The following RIN2 variants were observed in gnomAD, a reference collection of about 807,000 sequenced individuals.
RIN2 encodes RAB5 interacting protein 2.
A neutral mutation model predicts 78.0 loss-of-function variants in RIN2; 36 were observed. That is an observed-to-expected ratio of 0.46 (90% CI 0.35 to 0.61). The LOEUF is 0.61. RIN2 is among the 20% of genes least tolerant of loss of function. RIN2 has a pLI of 0.00. For synonymous variants in RIN2, 466 were observed against 466.8 expected (o/e 1.00, Z 0.02); for missense variants, 1,087 against 1,159.7 (o/e 0.94, Z 0.91).
chr20:19,975,228 T>G lies in RIN2; in HGVS notation c.1203T>G (p.Pro401=). ...CTGGCAGCCCAGGTGGGGCCCCGCC[T>G]GAGGCCGCCCCGGGGGATTGCACAA... ...GTAGSPGGAP[P]EAAPGDCTRA... Residue 401 remains proline (P), a synonymous_variant, in exon 9 of 13, where the codon CCT becomes CCG. Coordinates refer to ENST00000255006, the MANE Select transcript of RIN2 (RefSeq NM_018993.4). The surrounding 1 kb of genome is among the most constrained non-coding windows in gnomAD (Gnocchi z 4.9). 1.3e-6 allele frequency: 2 copies of G among 1,586,450 alleles called. No homozygotes were observed. Among genetic ancestry groups the G allele is most frequent in the Non-Finnish European group, 1.7e-6 (2 of 1,166,618 alleles).
At chr20:19,937,002 G>A (rs933145060) in intron 4 of RIN2, among the ~76,000 whole-genome samples, 29 of 152,246 alleles carry the variant, frequency 1.9e-4, no homozygotes, top group African/African-American at 7.0e-4. Context: ...ACTAACTTAC[G>A]GAATCTTCCT....
intron 3 of RIN2, among the ~76,000 whole-genome samples, chr20:19,932,842 C>T (rs1483497326): frequency 6.6e-6 from 1 of 152,182 alleles, no homozygotes; most frequent in Non-Finnish European, 1.5e-5. Context: ...TAAATTTAAT[C>T]TGCCCGAAGT....
At chr20:19,895,550 A>G (rs572598646) in intron 3 of RIN2, among the ~76,000 whole-genome samples, 9 of 152,258 alleles carry the variant, frequency 5.9e-5, no homozygotes, top group Admixed American at 2.0e-4. Flanking sequence ...TTTAGCTTAC[A>G]GGGATCCTAC....
intron 6 of RIN2, among the ~76,000 whole-genome samples, chr20:19,964,573 T>A (rs1022161441): frequency 2.0e-5 from 3 of 152,004 alleles, no homozygotes; most frequent in Non-Finnish European, 4.4e-5. Flanking sequence ...GGTCAAGGGA[T>A]CGAGGGGAGT....
intron 1 of RIN2, among the ~76,000 whole-genome samples, chr20:19,779,820 G>T (rs2034437391): frequency 6.6e-6 from 1 of 152,172 alleles, no homozygotes; most frequent in African/African-American, 2.4e-5. Context: ...GATGGATGTG[G>T]TTTTTATTGT....
chr20:19,856,271 TATTTC>T (rs1223652182), intron 2 of RIN2, among the ~76,000 whole-genome samples: 3 of 152,154 alleles, frequency 2.0e-5, no homozygotes, highest in Non-Finnish European at 4.4e-5. Flanking sequence ...TTTTAAGAGT[TATTTC>T]AATAAGATTA....
At chr20:19,971,593 G>A (rs2042109175) in intron 8 of RIN2, among the ~76,000 whole-genome samples, 1 of 152,012 alleles carries the variant, frequency 6.6e-6, no homozygotes, top group African/African-American at 2.4e-5. Flanking sequence ...ACTTGACCCA[G>A]CAAATAAAAG....
chr20:19,947,683 A>G (rs2146194375), intron 4 of RIN2, among the ~76,000 whole-genome samples: 1 of 152,368 alleles, frequency 6.6e-6, no homozygotes, highest in African/African-American at 2.4e-5. Flanking sequence ...ATTCCCGGAA[A>G]CCTTCAGGGA....
chr20:19,784,741 GGA>G (rs2034617854), intron 1 of RIN2, among the ~76,000 whole-genome samples: 1 of 152,086 alleles, frequency 6.6e-6, no homozygotes, highest in Non-Finnish European at 1.5e-5. Flanking sequence ...GGACCACAGA[GGA>G]CAAGTGGAGA....
intron 3 of RIN2, among the ~76,000 whole-genome samples, chr20:19,934,245 C>A (rs879636805): frequency 1.3e-5 from 2 of 151,648 alleles, no homozygotes; most frequent in Non-Finnish European, 2.9e-5. Context: ...GACCTGTTAC[C>A]TGTTAATGTA....
intron 1 of RIN2, among the ~76,000 whole-genome samples, chr20:19,791,919 T>C (rs902307471): frequency 2.0e-5 from 3 of 152,216 alleles, no homozygotes; most frequent in African/African-American, 7.2e-5. Flanking sequence ...GTTTTAGAAT[T>C]ACCCATAATT....
chr20:19,894,187 C>G (rs1789200699), intron 3 of RIN2, among the ~76,000 whole-genome samples: 1 of 152,190 alleles, frequency 6.6e-6, no homozygotes, highest in African/African-American at 2.4e-5. Flanking sequence ...ACTGCTATCA[C>G]ATTTCAAAGG....
chr20:19,928,280 G>A (rs2040306112), intron 3 of RIN2, among the ~76,000 whole-genome samples: 1 of 152,108 alleles, frequency 6.6e-6, no homozygotes, highest in South Asian at 2.1e-4. Flanking sequence ...CTAGCTTTGG[G>A]GATTTAAGGA....
At chr20:19,987,426 C>T (rs993285186) in intron 9 of RIN2, among the ~76,000 whole-genome samples, 24 of 152,162 alleles carry the variant, frequency 1.6e-4, no homozygotes, top group African/African-American at 5.6e-4. Context: ...GTGACTTGAA[C>T]TTTACAATTA....
intron 4 of RIN2, among the ~76,000 whole-genome samples, chr20:19,956,257 CAAAAAAAAAA>C (rs11483774): frequency 2.0e-5 from 1 of 50,748 alleles, no homozygotes; most frequent in East Asian, 4.5e-4. Context: ...GACTCCATCT[CAAAAAAAAAA>C]AAAAAAAAAA....
At chr20:19,866,876 T>C (rs74996297) in intron 2 of RIN2, among the ~76,000 whole-genome samples, 2,611 of 152,232 alleles carry the variant, frequency 0.017, 72 homozygotes, top group African/African-American at 0.059. Context: ...TCTCCCGCCT[T>C]GGCCTCCCAA....
At chr20:19,841,285 G>A (rs1279402677) in intron 2 of RIN2, among the ~76,000 whole-genome samples, 1 of 151,816 alleles carries the variant, frequency 6.6e-6, no homozygotes. Context: ...ACTCGGTGAA[G>A]GGTTTTTTCA....
intron 10 of RIN2, among the ~76,000 whole-genome samples, chr20:19,990,612 A>G (rs563917124): frequency 1.3e-5 from 2 of 152,304 alleles, no homozygotes; most frequent in East Asian, 3.9e-4. Flanking sequence ...CTTCCCTCCG[A>G]GAAGAAGAAA....
rs1381573680 is a variant in RIN2 at position 19,918,336 on chromosome 20, ACT to A, written c.58-16759_58-16758del. Among the ~76,000 whole-genome samples the A allele has an allele frequency of 3.4e-5, 5 of 146,906 alleles. No individual in the cohort carries two copies. In the East Asian group the frequency reaches 1.0e-3, roughly 30 times the overall value. On this transcript the variant is annotated intron_variant, in intron 3 of 12. Transcript: ENST00000255006. ...AATTTTCAAAAAACGAAAAAACGTG[ACT>A]CTCATACAAATACATTGTGTGTGTG...
Sources: allele counts gnomAD v4.1 joint callset (sites outside exome capture counted in the v4.1 genomes callset), GRCh38; gene constraint gnomAD v4.1.1; non-coding constraint Gnocchi (gnomAD v3.1); transcripts MANE v1.5; gene names NCBI Gene and HGNC (gene_info 2026-07-23, HGNC 2026-07-21).